SND1: variants seen among roughly 807,000 people sequenced by gnomAD.
SND1 encodes staphylococcal nuclease domain-containing protein 1.
Under a neutral mutation model 121.7 loss-of-function variants are expected in SND1, and 38 were observed. The observed-to-expected ratio is 0.31, with a 90% confidence interval of 0.24 to 0.41. The LOEUF (loss-of-function observed/expected upper bound fraction) is 0.41, where lower values mean the gene tolerates loss of function less well. SND1 is among the 10% of genes least tolerant of loss of function. The pLI, the probability that SND1 is intolerant of heterozygous loss-of-function variation, is 1.00. For synonymous variants in SND1, 401 were observed against 447.4 expected (o/e 0.90, Z 1.31); for missense variants, 868 against 1,184.6 (o/e 0.73, Z 3.92).
chr7:128,017,717 G>A (rs886144829), intron 16 of SND1, among the ~76,000 whole-genome samples: 1 of 152,222 alleles, frequency 6.6e-6, no homozygotes, highest in Non-Finnish European at 1.5e-5. Context: ...TTACCCTTGT[G>A]GTATTTTGTA....
chr7:128,089,507 G>A lies in SND1; in HGVS notation c.2437G>A (p.Ala813Thr). Residue 813 changes from alanine to threonine, a missense_variant, in exon 22 of 24, where the codon GCC becomes ACC. Transcript: ENST00000354725. ...GCTCCAGGATGATGCCCGCACGGACGCCGTGGACAGCGTAGTTCGGGATAT... is the reference window on the plus strand; with the variant it reads ...GCTCCAGGATGATGCCCGCACGGACACCGTGGACAGCGTAGTTCGGGATAT... ...VPQDDDARTD[A>T]VDSVVRDIQN... 1 of 1,613,576 alleles carries A rather than the reference G, an allele frequency of 6.2e-7. No homozygotes were observed. Among genetic ancestry groups the A allele is most frequent in the Non-Finnish European group, 8.5e-7 (1 of 1,179,522 alleles).
chr7:128,002,294 A>G (rs1802855092), intron 16 of SND1, among the ~76,000 whole-genome samples: 1 of 152,244 alleles, frequency 6.6e-6, no homozygotes, highest in Admixed American at 6.5e-5. Context: ...CCTATTTTCC[A>G]TCCTTGGTCT....
At chr7:127,788,702 T>G (rs987355977) in intron 10 of SND1, among the ~76,000 whole-genome samples, 1 of 152,342 alleles carries the variant, frequency 6.6e-6, no homozygotes, top group Admixed American at 6.5e-5. Flanking sequence ...TTGTCATATC[T>G]TCCTTCTTCA....
Position 127,922,310 on chromosome 7 carries a change from G to T in SND1, c.1528-6878G>T, listed in dbSNP as rs563192925. 4.0e-5 allele frequency among the ~76,000 whole-genome samples: 6 copies of T among 149,830 alleles called. No homozygotes were observed. In the East Asian group the frequency reaches 1.2e-3, roughly 30 times the overall value. ...AACATTACAGGCATGAGGCCACCGT[G>T]CCTGGCTCAGACCATTTTCTGAGGG... On this transcript the variant is annotated intron_variant, in intron 14 of 23. Coordinates refer to ENST00000354725, the MANE Select transcript of SND1 (RefSeq NM_014390.4).
chr7:127,954,658 T>G (rs1393459840), intron 15 of SND1, among the ~76,000 whole-genome samples: 1 of 152,162 alleles, frequency 6.6e-6, no homozygotes, highest in Non-Finnish European at 1.5e-5. Context: ...CCAAAGTAAT[T>G]ATATTGTAAA....
intron 13 of SND1, among the ~76,000 whole-genome samples, chr7:127,901,815 A>T (rs1800237515): frequency 6.6e-6 from 1 of 152,204 alleles, no homozygotes; most frequent in African/African-American, 2.4e-5. Context: ...AGTGTGAAAA[A>T]ATTGTCTTTG....
At chr7:127,746,590 T>C (rs4731379) in intron 10 of SND1, among the ~76,000 whole-genome samples, 143,934 of 152,212 alleles carry the variant, frequency 0.95, 68,477 homozygotes, top group Non-Finnish European at 1. Context: ...CCTGCTGGTA[T>C]GGTGAAAATG....
rs1167425777 is a variant in SND1 at position 127,808,090 on chromosome 7, GT to G, written c.1242+527del. On this transcript the variant is annotated intron_variant, in intron 11 of 23. Transcript: ENST00000354725. Reference sequence around the variant, plus strand: ...GCAGAATTTCCTATACCCTGTGGGAGTTTTTTTTTTCAGGAAGGGGTGTGTG... The same window carrying G: ...GCAGAATTTCCTATACCCTGTGGGAGTTTTTTTTTCAGGAAGGGGTGTGTG... Among the ~76,000 whole-genome samples the G allele has an allele frequency of 7.6e-5, 11 of 144,370 alleles. No individual in the cohort carries two copies. The South Asian group carries it at 1.3e-3, about 18-fold the overall frequency. 94.7% of individuals were successfully genotyped at this position (144,370 alleles called of 152,430 possible). A position where few individuals can be genotyped will look rare whatever the true frequency, so the allele number is the denominator to read the frequency against.
intron 11 of SND1, among the ~76,000 whole-genome samples, chr7:127,824,712 T>C (rs557162051): frequency 1.8e-4 from 27 of 152,330 alleles, no homozygotes; most frequent in Admixed American, 9.1e-4. Context: ...CTTTTTTTTT[T>C]CAGCTTGCTT....
At chr7:128,080,453 T>A (rs1326886299) in intron 17 of SND1, among the ~76,000 whole-genome samples, 1 of 151,830 alleles carries the variant, frequency 6.6e-6, no homozygotes, top group Non-Finnish European at 1.5e-5. Context: ...CTGCTGGAGG[T>A]GAGGAGGATG....
chr7:127,973,143 T>C (rs1802038206), intron 15 of SND1, among the ~76,000 whole-genome samples: 1 of 152,170 alleles, frequency 6.6e-6, no homozygotes, highest in African/African-American at 2.4e-5. Flanking sequence ...TAAACCTGGT[T>C]GGTGCTTTGA....
intron 10 of SND1, among the ~76,000 whole-genome samples, chr7:127,736,173 C>T (rs879568566): frequency 1.4e-4 from 22 of 152,144 alleles, no homozygotes; most frequent in Non-Finnish European, 2.9e-4. Flanking sequence ...AGATGGCTTG[C>T]GTTTCTGCTT....
At chr7:127,897,998 T>G (rs1800153380) in intron 13 of SND1, among the ~76,000 whole-genome samples, 1 of 152,124 alleles carries the variant, frequency 6.6e-6, no homozygotes, top group African/African-American at 2.4e-5. Context: ...TTTAGACTGC[T>G]CATAACCACT....
chr7:128,077,708 T>C (rs1793529723), intron 17 of SND1, among the ~76,000 whole-genome samples: 1 of 152,190 alleles, frequency 6.6e-6, no homozygotes, highest in Admixed American at 6.5e-5. Flanking sequence ...TAACAGCCTC[T>C]CCACATGCTT....
chr7:127,848,230 CT>C (rs1799101417), intron 12 of SND1, among the ~76,000 whole-genome samples: 1 of 152,206 alleles, frequency 6.6e-6, no homozygotes, highest in Non-Finnish European at 1.5e-5. Context: ...TGAGCTGCCC[CT>C]GTGCTTAACA....
intron 16 of SND1, among the ~76,000 whole-genome samples, chr7:128,012,390 CCT>C (rs1198658939): frequency 3.9e-5 from 6 of 152,196 alleles, no homozygotes; most frequent in Non-Finnish European, 5.9e-5. Flanking sequence ...ATCCTATGGA[CCT>C]CTCTGGCTAC....
At chr7:127,899,985 A>G (rs1244942817) in intron 13 of SND1, among the ~76,000 whole-genome samples, 1 of 152,188 alleles carries the variant, frequency 6.6e-6, no homozygotes, top group Non-Finnish European at 1.5e-5. Context: ...AATCTCTCTC[A>G]GCTCTGTAGC....
chr7:128,078,588 C>T (rs921427518), intron 17 of SND1, among the ~76,000 whole-genome samples: 7 of 152,240 alleles, frequency 4.6e-5, no homozygotes, highest in African/African-American at 1.4e-4. Flanking sequence ...TTGCATCTTC[C>T]GTGACCTCAC....
At chr7:127,902,278 G>A (rs1161398892) in intron 13 of SND1, among the ~76,000 whole-genome samples, 1 of 152,162 alleles carries the variant, frequency 6.6e-6, no homozygotes, top group African/African-American at 2.4e-5. Context: ...ATTTATTTTG[G>A]TTGTCCTTGT....
Sources: gnomAD v4.1 joint callset for allele counts (sites outside exome capture counted in the v4.1 genomes callset) on GRCh38, gnomAD v4.1.1 for gene constraint, MANE v1.5 for transcripts, NCBI Gene and HGNC (gene_info 2026-07-23, HGNC 2026-07-21) for gene names.